DPP10: variants seen among roughly 807,000 people sequenced by gnomAD.
The protein encoded by DPP10 is dipeptidyl peptidase like 10, also known as inactive dipeptidyl peptidase 10.
A neutral mutation model predicts 120.9 loss-of-function variants in DPP10; 33 were observed. The observed-to-expected ratio is 0.27, with a 90% CI of 0.21 to 0.37. The LOEUF (loss-of-function observed/expected upper bound fraction) is 0.37. Ranked by LOEUF, DPP10 falls within the 10% of genes least tolerant of loss-of-function variation. The probability of loss-of-function intolerance (pLI) is 1.00; values close to 1 mark genes in which losing one functional copy is unlikely to be tolerated. For missense variants in DPP10, 816 were observed against 942.8 expected (o/e 0.87, Z 1.76); for synonymous variants, 337 against 326.1 (o/e 1.03, Z -0.36).
intron 5 of DPP10, among the ~76,000 whole-genome samples, chr2:115,554,579 G>A (rs184786993): frequency 2.4e-4 from 36 of 152,038 alleles, no homozygotes; most frequent in African/African-American, 8.2e-4. Context: ...ATCCATGCTG[G>A]TATTTCAGGA....
At chr2:114,871,151 G>A (rs1370914405) in intron 1 of DPP10, among the ~76,000 whole-genome samples, 1 of 121,768 alleles carries the variant, frequency 8.2e-6, no homozygotes, top group Non-Finnish European at 1.8e-5. Flanking sequence ...TTTGAACTAC[G>A]TCAAATAATG....
intron 1 of DPP10, among the ~76,000 whole-genome samples, chr2:114,945,743 G>A (rs1418830991): frequency 6.6e-6 from 1 of 151,840 alleles, no homozygotes; most frequent in Non-Finnish European, 1.5e-5. Context: ...TTGAACCCAG[G>A]AGGCAGAGAT....
At chr2:115,072,178 T>TA (rs1315717035) in intron 1 of DPP10, among the ~76,000 whole-genome samples, 1 of 152,066 alleles carries the variant, frequency 6.6e-6, no homozygotes, top group East Asian at 1.9e-4. Context: ...CTGTTTTTTT[T>TA]AAAAAGCACA....
intron 1 of DPP10, among the ~76,000 whole-genome samples, chr2:114,993,595 T>TATATATAC (rs1471115822): frequency 6.9e-6 from 1 of 144,760 alleles, no homozygotes; most frequent in Non-Finnish European, 1.5e-5. Context: ...TATATATATA[T>TATATATAC]ATATATATAT....
chr2:114,527,114 A>G (rs1423074266), intron 1 of DPP10, among the ~76,000 whole-genome samples: 1 of 152,154 alleles, frequency 6.6e-6, no homozygotes, highest in East Asian at 1.9e-4. Context: ...TACCTCTATC[A>G]TAACTCTTAT....
At chr2:114,544,838 A>G (rs945239287) in intron 1 of DPP10, among the ~76,000 whole-genome samples, 1 of 151,884 alleles carries the variant, frequency 6.6e-6, no homozygotes, top group Non-Finnish European at 1.5e-5. Context: ...GTAGTTCATT[A>G]TGTTTATGTC....
At chr2:115,017,065 G>C (rs1008022835) in intron 1 of DPP10, among the ~76,000 whole-genome samples, 3 of 140,992 alleles carry the variant, frequency 2.1e-5, no homozygotes, top group Non-Finnish European at 4.6e-5. Context: ...TGTGGAGTGG[G>C]GGGAGGGGGG....
intron 19 of DPP10, among the ~76,000 whole-genome samples, chr2:115,802,734 A>T (rs1685415715): frequency 6.6e-6 from 1 of 151,960 alleles, no homozygotes; most frequent in African/African-American, 2.4e-5. Context: ...CATGTAGTTG[A>T]GCGGTTTTGA....
At chr2:114,762,441 C>G (rs1391091091) in intron 1 of DPP10, among the ~76,000 whole-genome samples, 3 of 152,062 alleles carry the variant, frequency 2.0e-5, no homozygotes, top group African/African-American at 7.2e-5. Context: ...GAGAATTCTG[C>G]AATAGGAGCT....
chr2:115,188,536 A>G (rs892047661), intron 1 of DPP10, among the ~76,000 whole-genome samples: 1 of 152,376 alleles, frequency 6.6e-6, no homozygotes, highest in African/African-American at 2.4e-5. Context: ...GAAAATTCAC[A>G]GACCAGGTCA....
chr2:114,802,087 G>A (rs1282157251), intron 1 of DPP10, among the ~76,000 whole-genome samples: 8 of 152,108 alleles, frequency 5.3e-5, no homozygotes. Flanking sequence ...TTACTTGCTT[G>A]TCATTTAATG....
intron 1 of DPP10, among the ~76,000 whole-genome samples, chr2:114,564,104 G>A (rs10514812): frequency 0.076 from 11,547 of 152,082 alleles, 601 homozygotes; most frequent in Middle Eastern, 0.15. Context: ...TGGATCCAAC[G>A]CTGTCCTGTG....
At chr2:115,202,676 C>G (rs1226502927) in intron 1 of DPP10, among the ~76,000 whole-genome samples, 2 of 152,122 alleles carry the variant, frequency 1.3e-5, no homozygotes, top group Admixed American at 1.3e-4. Context: ...GCAGCACTGT[C>G]CAATAGCACT....
At chr2:115,761,954 G>GT (rs2149789848) in intron 11 of DPP10, among the ~76,000 whole-genome samples, 1 of 152,100 alleles carries the variant, frequency 6.6e-6, no homozygotes, top group African/African-American at 2.4e-5. Context: ...ATTAAAGCTT[G>GT]TTTTTTCTAC....
At chr2:114,872,408 C>A (rs770590230) in intron 1 of DPP10, among the ~76,000 whole-genome samples, 5 of 152,134 alleles carry the variant, frequency 3.3e-5, no homozygotes, top group Non-Finnish European at 7.4e-5. Flanking sequence ...TCCCCCAACA[C>A]GTGGGTATTA....
intron 5 of DPP10, among the ~76,000 whole-genome samples, chr2:115,544,909 T>A (rs2148979338): frequency 6.6e-6 from 1 of 152,234 alleles, no homozygotes; most frequent in Admixed American, 6.5e-5. Context: ...GAAAAGAGGC[T>A]GTTTATCCTC....
chr2:115,420,529 C>A (rs181078356), intron 3 of DPP10, among the ~76,000 whole-genome samples: 12 of 152,258 alleles, frequency 7.9e-5, no homozygotes, highest in Admixed American at 7.2e-4. Context: ...AAATATTATT[C>A]TCTCATTTGG....
At chr2:115,537,570 T>G (rs911022706) in intron 5 of DPP10, among the ~76,000 whole-genome samples, 2 of 151,002 alleles carry the variant, frequency 1.3e-5, no homozygotes, top group Non-Finnish European at 3.0e-5. Context: ...ACTGTTTTTT[T>G]TTTTTTTTTT....
At chr2:115,038,376 T>C (rs955807361) in intron 1 of DPP10, among the ~76,000 whole-genome samples, 6 of 152,070 alleles carry the variant, frequency 3.9e-5, no homozygotes, top group Non-Finnish European at 7.4e-5. Flanking sequence ...GTTCACGCCA[T>C]TCTCCTGCCT....
Sources: allele counts gnomAD v4.1 joint callset (sites outside exome capture counted in the v4.1 genomes callset), GRCh38; gene constraint gnomAD v4.1.1; transcripts MANE v1.5; gene names NCBI Gene and HGNC (gene_info 2026-07-23, HGNC 2026-07-21).